Variants in LUZP2 observed in about 807,000 individuals in gnomAD.
LUZP2 encodes the protein leucine zipper protein 2.
A neutral mutation model predicts 51.6 loss-of-function variants in LUZP2; 52 were observed. The observed-to-expected ratio is 1.01, with a 90% CI of 0.81 to 1.27. LUZP2 has a LOEUF of 1.27. LUZP2 is among the 50% of genes most tolerant of loss of function. LUZP2 has a pLI of 0.00. For synonymous variants in LUZP2, 154 were observed against 137.3 expected (o/e 1.12, Z -0.85); for missense variants, 436 against 395.4 (o/e 1.10, Z -0.87).
intron 10 of LUZP2, among the ~76,000 whole-genome samples, chr11:25,059,589 T>A (rs1858776793): frequency 6.6e-6 from 1 of 152,180 alleles, no homozygotes; most frequent in Non-Finnish European, 1.5e-5. Context: ...TTAGTTAGAT[T>A]AGATGGGCTG....
chr11:24,635,272 A>G (rs1469403884), intron 1 of LUZP2, among the ~76,000 whole-genome samples: 2 of 152,174 alleles, frequency 1.3e-5, no homozygotes, highest in Non-Finnish European at 2.9e-5. Flanking sequence ...GACACTATTT[A>G]TAATTTGTAT....
At chr11:25,059,813 A>G (rs74724651) in intron 10 of LUZP2, among the ~76,000 whole-genome samples, 1,568 of 152,298 alleles carry the variant, frequency 0.01, 32 homozygotes, top group African/African-American at 0.035. Flanking sequence ...TTTTGTAATG[A>G]TCAGAATTAA....
At chr11:24,884,930 G>A (rs1423022672) in intron 5 of LUZP2, among the ~76,000 whole-genome samples, 1 of 151,982 alleles carries the variant, frequency 6.6e-6, no homozygotes, top group Non-Finnish European at 1.5e-5. Context: ...TGATTTTAGG[G>A]TGATTGCTAT....
intron 1 of LUZP2, among the ~76,000 whole-genome samples, chr11:24,661,896 T>A (rs182306819): frequency 6.6e-6 from 1 of 152,202 alleles, no homozygotes; most frequent in African/African-American, 2.4e-5. Context: ...GAAGTAGACA[T>A]ATACCACAAA....
chr11:24,998,556 C>T (rs181077778), intron 9 of LUZP2, among the ~76,000 whole-genome samples: 1 of 152,248 alleles, frequency 6.6e-6, no homozygotes, highest in African/African-American at 2.4e-5. Flanking sequence ...TGTGGAGTTC[C>T]ACGTATTTCT....
At chr11:25,074,933 A>C (rs2134060203) in intron 10 of LUZP2, among the ~76,000 whole-genome samples, 1 of 152,296 alleles carries the variant, frequency 6.6e-6, no homozygotes, top group South Asian at 2.1e-4. Flanking sequence ...CCCTAAACTT[A>C]AATGACAGGA....
intron 1 of LUZP2, among the ~76,000 whole-genome samples, chr11:24,682,140 C>G (rs927285711): frequency 6.6e-6 from 1 of 152,088 alleles, no homozygotes; most frequent in East Asian, 1.9e-4. Context: ...GATATTCCAC[C>G]TTCATCAACT....
At chr11:25,014,203 T>G (rs1263143592) in intron 9 of LUZP2, among the ~76,000 whole-genome samples, 1 of 152,216 alleles carries the variant, frequency 6.6e-6, no homozygotes. Flanking sequence ...AGTGCCACAA[T>G]AAACATACGT....
intron 8 of LUZP2, 102 bp from the exon 9 acceptor site, chr11:24,983,024 G>T (rs1331049810): frequency 1.9e-6 from 2 of 1,067,936 alleles, no homozygotes; most frequent in African/African-American, 1.6e-5. Flanking sequence ...AAAGTGATAT[G>T]TATTTTTGTG....
At chr11:24,800,798 C>T (rs1360727242) in intron 5 of LUZP2, among the ~76,000 whole-genome samples, 1 of 152,118 alleles carries the variant, frequency 6.6e-6, no homozygotes, top group Non-Finnish European at 1.5e-5. Context: ...ACGAACTCCT[C>T]CTTCACATTT....
At position 24,964,105 on chromosome 11, in the gene LUZP2, A is replaced by G. The variant is rs569063224; in HGVS notation, c.523-12486A>G. Among the ~76,000 whole-genome samples the G allele has an allele frequency of 3.9e-5, 6 of 152,306 alleles. No homozygotes were observed. In the South Asian group the frequency reaches 1.2e-3, roughly 32 times the overall value. Reference sequence around the variant, plus strand: ...CCATATGGTTTTCTTCAATGGCTGTACTAATTTACTCTACCACCAACAGTG... The same window carrying G: ...CCATATGGTTTTCTTCAATGGCTGTGCTAATTTACTCTACCACCAACAGTG... On this transcript the variant is annotated intron_variant, in intron 7 of 11. Coordinates refer to ENST00000336930, the MANE Select transcript of LUZP2 (RefSeq NM_001009909.4).
At chr11:24,648,060 T>C (rs1003786096) in intron 1 of LUZP2, among the ~76,000 whole-genome samples, 1 of 151,956 alleles carries the variant, frequency 6.6e-6, no homozygotes, top group Non-Finnish European at 1.5e-5. Flanking sequence ...AGCATGACTT[T>C]AATTCTGTAA....
chr11:24,954,206 T>C (rs1855155422), intron 7 of LUZP2, among the ~76,000 whole-genome samples: 1 of 151,630 alleles, frequency 6.6e-6, no homozygotes, highest in Non-Finnish European at 1.5e-5. Flanking sequence ...TCTGTGTTCC[T>C]CCAAGGAAAA....
intron 9 of LUZP2, among the ~76,000 whole-genome samples, chr11:24,991,197 C>G (rs1856323788): frequency 6.6e-6 from 1 of 151,866 alleles, no homozygotes; most frequent in South Asian, 2.1e-4. Context: ...TTAACTCCCA[C>G]TTATGAGTGA....
At chr11:24,808,676 G>A (rs1199901679) in intron 5 of LUZP2, among the ~76,000 whole-genome samples, 1 of 152,078 alleles carries the variant, frequency 6.6e-6, no homozygotes, top group East Asian at 1.9e-4. Context: ...TGTGCTTACT[G>A]TGCAAGTTGG....
At chr11:24,687,624 C>T (rs990657208) in intron 1 of LUZP2, among the ~76,000 whole-genome samples, 1 of 152,092 alleles carries the variant, frequency 6.6e-6, no homozygotes, top group African/African-American at 2.4e-5. Flanking sequence ...TTACAAAAGG[C>T]AGAACTTATT....
intron 1 of LUZP2, among the ~76,000 whole-genome samples, chr11:24,657,972 T>C (rs1313890079): frequency 6.6e-6 from 1 of 152,158 alleles, no homozygotes; most frequent in East Asian, 1.9e-4. Flanking sequence ...GTAGGAAGAA[T>C]CAATATCGTG....
intron 5 of LUZP2, among the ~76,000 whole-genome samples, chr11:24,816,661 T>C (rs1375336783): frequency 6.6e-6 from 1 of 152,096 alleles, no homozygotes; most frequent in Non-Finnish European, 1.5e-5. Flanking sequence ...TTAAATGTTT[T>C]ACAAACATTA....
At chr11:24,738,095 C>T (rs1859009273) in intron 3 of LUZP2, 126 bp from the exon 4 acceptor site, 2 of 554,910 alleles carry the variant, frequency 3.6e-6, no homozygotes, top group Admixed American at 3.4e-5. Context: ...TTAACTGTGG[C>T]TTTATGCACT....
Sources: allele counts gnomAD v4.1 joint callset (sites outside exome capture counted in the v4.1 genomes callset), GRCh38; gene constraint gnomAD v4.1.1; transcripts MANE v1.5; gene names NCBI Gene and HGNC (gene_info 2026-07-23, HGNC 2026-07-21).